Variants in SEC24B observed in about 807,000 individuals in gnomAD.
SEC24B encodes SEC24 homolog B, COPII component, also known as protein transport protein Sec24B.
A neutral mutation model predicts 142.8 loss-of-function variants in SEC24B; 45 were observed. The observed-to-expected ratio is 0.32, with a 90% CI of 0.25 to 0.40. SEC24B has a LOEUF of 0.40. SEC24B is among the 10% of genes least tolerant of loss of function. SEC24B has a pLI of 1.00. For missense variants in SEC24B, 1,409 were observed against 1,526.8 expected (o/e 0.92, Z 1.29); for synonymous variants, 574 against 568.2 (o/e 1.01, Z -0.15).
chr4:109,520,945 T>A (rs953913181), intron 12 of SEC24B, among the ~76,000 whole-genome samples, 172 bp from the exon 13 acceptor site: 9 of 152,164 alleles, frequency 5.9e-5, no homozygotes, highest in African/African-American at 1.9e-4. Context: ...TGAGCCGAGA[T>A]CATGCCATTG....
chr4:109,476,713 A>G (rs1289616907), intron 3 of SEC24B, among the ~76,000 whole-genome samples: 1 of 152,232 alleles, frequency 6.6e-6, no homozygotes, highest in African/African-American at 2.4e-5. Context: ...AACAGTTTGT[A>G]ATTTGCAAAT....
chr4:109,492,173 C>G lies in SEC24B; in HGVS notation c.1246+766C>G, dbSNP rs187547756. ...TACTTAAAAAAAAAAAAAACCCATG[C>G]TATCTTGCTATCACTATTCTATGAA... On this transcript the variant is annotated intron_variant, in intron 5 of 23. Transcript: ENST00000265175. Among the ~76,000 whole-genome samples, 3 of 150,694 alleles carry G rather than the reference C, an allele frequency of 2.0e-5. No individual in the cohort carries two copies. The East Asian group carries it at 5.8e-4, about 29-fold the overall frequency.
Position 109,456,131 on chromosome 4 carries a change from C to T in SEC24B, c.134-6770C>T, listed in dbSNP as rs546974984. 2.6e-5 allele frequency among the ~76,000 whole-genome samples: 4 copies of T among 152,088 alleles called. No homozygotes were observed. The East Asian group carries it at 7.7e-4, about 29-fold the overall frequency. On this transcript the variant is annotated intron_variant, in intron 1 of 23. Transcript: ENST00000265175. ...TTACATCTAAGTACTTCTTTTTGTGCTATTATAAATGATACTGTTTTTTAA... is the reference window on the plus strand; with the variant it reads ...TTACATCTAAGTACTTCTTTTTGTGTTATTATAAATGATACTGTTTTTTAA...
intron 1 of SEC24B, 74 bp from the exon 2 acceptor site, chr4:109,462,827 C>T (rs1479909451): frequency 1.7e-6 from 2 of 1,177,136 alleles, no homozygotes; most frequent in Non-Finnish European, 2.4e-6. Context: ...TTAATTGCTT[C>T]AATATTTAAA....
chr4:109,511,848 A>T (rs1169733508), intron 8 of SEC24B, 109 bp from the exon 9 acceptor site: 5 of 1,112,200 alleles, frequency 4.5e-6, no homozygotes, highest in Non-Finnish European at 6.4e-6. Context: ...ATATAAAACC[A>T]CATAAAAACA....
intron 18 of SEC24B, among the ~76,000 whole-genome samples, chr4:109,528,031 T>C (rs771683243): frequency 2.4e-4 from 37 of 152,250 alleles, no homozygotes; most frequent in South Asian, 4.1e-4. Context: ...TAAAAAGGAA[T>C]GAACTGTCAA....
chr4:109,536,938 C>CAATA (rs767409534), intron 22 of SEC24B, among the ~76,000 whole-genome samples: 4 of 151,272 alleles, frequency 2.6e-5, no homozygotes, highest in South Asian at 4.2e-4. Context: ...TATTTGGTAA[C>CAATA]AATAAATAAA....
chr4:109,494,687 C>T lies in SEC24B; in HGVS notation c.1319C>T (p.Ala440Val). The change falls in exon 6 of 24, where the codon GCT becomes GTT. Residue 440 changes from alanine to valine, a missense_variant. Ala to Val is a moderately conservative substitution (Grantham distance 64). Transcript: ENST00000265175. The stretch of plus-strand genomic sequence containing the variant: ...GAACCTGATCCTGCTTCTGCTCCAG[C>T]TCCAGCTTCAGCTCCAGCTCCTGTC... ...APEPDPASAPAPASAPAPVVP... is the reference protein window; with the variant it reads ...APEPDPASAPVPASAPAPVVP... The T allele has an allele frequency of 6.2e-7, 1 of 1,613,990 alleles. No homozygotes were observed. Among genetic ancestry groups the T allele is most frequent in the South Asian group, 1.1e-5 (1 of 90,954 alleles).
Position 109,434,746 on chromosome 4 carries a change from C to T in SEC24B, c.133+744C>T, listed in dbSNP as rs924650827. Among the ~76,000 whole-genome samples the T allele has an allele frequency of 3.9e-5, 6 of 152,164 alleles. No homozygotes were observed. The South Asian group carries it at 1.2e-3, about 31-fold the overall frequency. On this transcript the variant is annotated intron_variant, in intron 1 of 23. Coordinates refer to ENST00000265175, the MANE Select transcript of SEC24B (RefSeq NM_006323.5). ...AACATCTTTAGATCTGGGTGTTTTT[C>T]CTAGCTCCACTTTCAGAGATGAAAA...
chr4:109,513,411 G>A (rs1737588133), intron 9 of SEC24B, among the ~76,000 whole-genome samples: 1 of 151,920 alleles, frequency 6.6e-6, no homozygotes, highest in South Asian at 2.1e-4. Context: ...AGCCTCCTGA[G>A]TAGCTGGGAT....
intron 10 of SEC24B, 47 bp from the exon 11 acceptor site, chr4:109,516,481 A>G (rs1578959073): frequency 1.7e-6 from 2 of 1,168,308 alleles, no homozygotes; most frequent in Non-Finnish European, 1.2e-6. Context: ...TATAAAAAGA[A>G]TAAATTGTAC....
chr4:109,438,636 A>G (rs1728639445), intron 1 of SEC24B, among the ~76,000 whole-genome samples: 2 of 152,200 alleles, frequency 1.3e-5, no homozygotes, highest in African/African-American at 4.8e-5. Flanking sequence ...AATTCTTTTT[A>G]GAAACTTTGA....
intron 9 of SEC24B, among the ~76,000 whole-genome samples, chr4:109,513,403 C>T (rs1337262379): frequency 1.3e-5 from 2 of 151,998 alleles, no homozygotes; most frequent in African/African-American, 4.8e-5. Context: ...CCTGCCTCAG[C>T]CTCCTGAGTA....
intron 3 of SEC24B, among the ~76,000 whole-genome samples, chr4:109,476,934 G>A (rs1705975337): frequency 6.6e-6 from 1 of 151,612 alleles, no homozygotes; most frequent in African/African-American, 2.4e-5. Flanking sequence ...TCAGGAGATC[G>A]AGACCATCCC....
chr4:109,529,658 T>C (rs1431520303), intron 18 of SEC24B, among the ~76,000 whole-genome samples: 1 of 152,196 alleles, frequency 6.6e-6, no homozygotes, highest in Admixed American at 6.5e-5. Context: ...TGACTTGGTG[T>C]TTGAGTAATG....
intron 1 of SEC24B, among the ~76,000 whole-genome samples, chr4:109,455,494 G>A (rs1267713001): frequency 6.6e-6 from 1 of 152,082 alleles, no homozygotes; most frequent in African/African-American, 2.4e-5. Context: ...GCCCACCTAG[G>A]CCTCCCAAAA....
Position 109,521,513 on chromosome 4 carries a change from A to C in SEC24B, c.2395A>C (p.Lys799Gln). ...ALGPALQAAF[K>Q]LMSPTGGRVS... Reference sequence around the variant, plus strand: ...TGGTCCTGCACTTCAGGCTGCCTTTAAATTAATGTCTCCAACAGGTGGCCG... The same window carrying C: ...TGGTCCTGCACTTCAGGCTGCCTTTCAATTAATGTCTCCAACAGGTGGCCG... The change falls in exon 14 of 24, where the codon AAA becomes CAA. Residue 799 changes from lysine to glutamine, a missense_variant. Lys to Gln is a moderately conservative substitution (Grantham distance 53). This residue lies in a region of SEC24B where 700 missense variants were observed against 853.3 expected (regional missense o/e 0.82). Coordinates refer to ENST00000265175, the MANE Select transcript of SEC24B (RefSeq NM_006323.5). 1 of 1,614,198 alleles carries C rather than the reference A, an allele frequency of 6.2e-7. No homozygotes were observed. The highest frequency in any genetic ancestry group is 8.5e-7 in the Non-Finnish European group (1 of 1,180,024).
intron 4 of SEC24B, among the ~76,000 whole-genome samples, chr4:109,483,470 T>C (rs1734030569): frequency 6.6e-6 from 1 of 152,148 alleles, no homozygotes. Context: ...CCACTTGTGG[T>C]GTCATGTCAG....
intron 1 of SEC24B, among the ~76,000 whole-genome samples, chr4:109,459,203 G>T (rs1037679476): frequency 6.6e-6 from 1 of 152,094 alleles, no homozygotes; most frequent in Non-Finnish European, 1.5e-5. Flanking sequence ...GCAGGTACAC[G>T]AGAAAAGAAT....
Sources: gnomAD v4.1 joint callset for allele counts (sites outside exome capture counted in the v4.1 genomes callset) on GRCh38, gnomAD v4.1.1 for gene constraint, gnomAD v4.1.1 regional missense constraint, MANE v1.5 for transcripts, NCBI Gene and HGNC (gene_info 2026-07-23, HGNC 2026-07-21) for gene names.